The following AK5 variants were observed in gnomAD, a reference collection of about 807,000 sequenced individuals.
AK5 encodes the protein adenylate kinase isoenzyme 5.
Under a neutral mutation model 69.5 loss-of-function variants are expected in AK5, and 27 were observed. The observed-to-expected ratio is 0.39, with a 90% CI of 0.29 to 0.54. AK5 has a LOEUF of 0.54. Ranked by LOEUF, AK5 falls within the 20% of genes least tolerant of loss-of-function variation. The pLI is 0.71. For missense variants in AK5, 531 were observed against 700.4 expected, an observed-to-expected ratio of 0.76 and a Z score of 2.73; for synonymous variants, 260 against 244.4, an observed-to-expected ratio of 1.06 and a Z score of -0.60.
chr1:77,372,456 G>C (rs958653329), intron 6 of AK5, among the ~76,000 whole-genome samples: 1 of 152,090 alleles, frequency 6.6e-6, no homozygotes, highest in African/African-American at 2.4e-5. Context: ...AAAAGAAGAG[G>C]CATCTTCAAC....
At chr1:77,482,758 G>A (rs541836973) in intron 8 of AK5, among the ~76,000 whole-genome samples, 4 of 134,314 alleles carry the variant, frequency 3.0e-5, no homozygotes, top group South Asian at 2.9e-4. Flanking sequence ...GCAACAGGGC[G>A]AGACTATGTC....
At chr1:77,465,772 T>G (rs953668048) in intron 8 of AK5, among the ~76,000 whole-genome samples, 1 of 152,160 alleles carries the variant, frequency 6.6e-6, no homozygotes, top group Non-Finnish European at 1.5e-5. Flanking sequence ...CTTCTGAAAC[T>G]ATGAACAATA....
intron 6 of AK5, among the ~76,000 whole-genome samples, chr1:77,364,434 A>G (rs954399041): frequency 2.0e-5 from 3 of 152,176 alleles, no homozygotes; most frequent in Non-Finnish European, 4.4e-5. Flanking sequence ...ATTGTTAACT[A>G]TAGTCATCCT....
In AK5 at chr1:77,475,167, GTATATATATATATATA is replaced by G. The variant is rs35137146; in HGVS notation, c.1060-8136_1060-8121del. 1.3e-4 allele frequency among the ~76,000 whole-genome samples: 12 copies of G among 89,946 alleles called. No homozygotes were observed. The South Asian group carries it at 4.7e-3, about 35-fold the overall frequency. 59.0% of individuals were successfully genotyped at this position (89,946 alleles called of 152,430 possible). A position where few individuals can be genotyped will look rare whatever the true frequency, so the allele number is the denominator to read the frequency against. ...TTGCTAGGAGTATGTGTGTGTGCAT[GTATATATATATATATA>G]TATATATATATATGTGTGTGTGTGT... On this transcript the variant is annotated intron_variant, in intron 8 of 13. Transcript: ENST00000354567.
intron 5 of AK5, among the ~76,000 whole-genome samples, chr1:77,320,010 CA>C (rs1660444242): frequency 6.6e-6 from 1 of 152,074 alleles, no homozygotes; most frequent in Non-Finnish European, 1.5e-5. Flanking sequence ...TGGTAATTTA[CA>C]AAGAAAAGAG....
At chr1:77,475,096 C>T (rs552375952) in intron 8 of AK5, among the ~76,000 whole-genome samples, 25 of 151,046 alleles carry the variant, frequency 1.7e-4, no homozygotes, top group Admixed American at 1.1e-3. Context: ...AGCCACTGTG[C>T]TCAACCTAGT....
chr1:77,285,345 A>AT (rs56407013), intron 1 of AK5, among the ~76,000 whole-genome samples: 4,263 of 152,168 alleles, frequency 0.028, 88 homozygotes, highest in Non-Finnish European at 0.041. Flanking sequence ...TGCCCGGGTA[A>AT]TTTTTTCTGC....
chr1:77,367,694 T>TTATGTTA (rs1557533455), intron 6 of AK5, among the ~76,000 whole-genome samples: 2 of 59,800 alleles, frequency 3.3e-5, no homozygotes, highest in African/African-American at 1.2e-4. Flanking sequence ...TATATATACG[T>TTATGTTA]TATATGTTAT....
At chr1:77,525,627 A>T (rs2803137) in intron 12 of AK5, among the ~76,000 whole-genome samples, 3,854 of 152,310 alleles carry the variant, frequency 0.025, 129 homozygotes, top group African/African-American at 0.089. Context: ...GCTGTTCATG[A>T]GCAATCTGCC....
At chr1:77,318,364 C>T (rs1294367733) in intron 5 of AK5, among the ~76,000 whole-genome samples, 5 of 152,134 alleles carry the variant, frequency 3.3e-5, no homozygotes, top group Non-Finnish European at 5.9e-5. Flanking sequence ...TTCATGAGAA[C>T]TTTGCCCCCA....
chr1:77,477,357 C>T (rs970550216), intron 8 of AK5, among the ~76,000 whole-genome samples: 1 of 152,110 alleles, frequency 6.6e-6, no homozygotes, highest in African/African-American at 2.4e-5. Context: ...ATTATTCCAT[C>T]CTATTAAGAT....
At chr1:77,532,601 G>A (rs575132481) in intron 12 of AK5, among the ~76,000 whole-genome samples, 3 of 152,328 alleles carry the variant, frequency 2.0e-5, no homozygotes, top group African/African-American at 4.8e-5. Flanking sequence ...CATACTTCCC[G>A]GCAAGAGCGC....
At chr1:77,385,203 A>T (rs906695911) in intron 6 of AK5, among the ~76,000 whole-genome samples, 1 of 152,130 alleles carries the variant, frequency 6.6e-6, no homozygotes, top group Non-Finnish European at 1.5e-5. Context: ...TCTGTCGCCC[A>T]GGCTGGAGTG....
chr1:77,417,596 A>G (rs775897674), intron 7 of AK5, 43 bp from the exon 8 acceptor site: 49 of 1,239,828 alleles, frequency 4.0e-5, no homozygotes, highest in Non-Finnish European at 5.2e-5. Context: ...AGAAACATAC[A>G]TAGACAACCT....
intron 13 of AK5, among the ~76,000 whole-genome samples, chr1:77,557,695 G>T (rs893783334): frequency 1.3e-5 from 2 of 151,930 alleles, no homozygotes; most frequent in African/African-American, 4.8e-5. Flanking sequence ...CCCAAATGCT[G>T]CAGAACACTC....
intron 10 of AK5, among the ~76,000 whole-genome samples, chr1:77,500,109 A>G (rs1187321577): frequency 6.6e-6 from 1 of 151,924 alleles, no homozygotes; most frequent in Non-Finnish European, 1.5e-5. Flanking sequence ...CAGAGCCATA[A>G]TGATAAGAGC....
At chr1:77,503,344 A>T (rs1656834190) in intron 10 of AK5, among the ~76,000 whole-genome samples, 1 of 132,290 alleles carries the variant, frequency 7.6e-6, no homozygotes, top group Non-Finnish European at 1.7e-5. Flanking sequence ...AGATATGATA[A>T]ACCTAAATGT....
intron 2 of AK5, among the ~76,000 whole-genome samples, chr1:77,288,458 G>A (rs781112528): frequency 6.6e-6 from 1 of 152,108 alleles, no homozygotes; most frequent in Non-Finnish European, 1.5e-5. Context: ...TATCTGCAAT[G>A]AATATCAGCA....
intron 10 of AK5, among the ~76,000 whole-genome samples, chr1:77,489,933 C>T (rs555951079): frequency 2.7e-4 from 41 of 152,246 alleles, no homozygotes; most frequent in African/African-American, 9.6e-4. Context: ...TGTCTTCTCC[C>T]CTATTAATCA....
Sources: gnomAD v4.1 joint callset for allele counts (sites outside exome capture counted in the v4.1 genomes callset) on GRCh38, gnomAD v4.1.1 for gene constraint, MANE v1.5 for transcripts, NCBI Gene and HGNC (gene_info 2026-07-23, HGNC 2026-07-21) for gene names.